KLF12: variants seen among roughly 807,000 people sequenced by gnomAD.
The protein encoded by KLF12 is KLF transcription factor 12, also known as Krueppel-like factor 12.
KLF12 carries 9 observed loss-of-function variants against 37.8 expected under a neutral mutation model. The ratio of observed to expected loss-of-function variants is 0.24; its 90% confidence interval spans 0.14 to 0.42. KLF12 has a LOEUF of 0.42. Ranked by LOEUF, KLF12 falls within the 10% of genes least tolerant of loss-of-function variation. KLF12 has a pLI of 1.00. For synonymous variants in KLF12, 208 were observed against 202.1 expected (o/e 1.03, Z -0.25); for missense variants, 411 against 516.0 (o/e 0.80, Z 1.97).
chr13:74,134,407 T>G (rs958980286), upstream of KLF12, among the ~76,000 whole-genome samples: 5 of 151,688 alleles, frequency 3.3e-5, no homozygotes, highest in African/African-American at 1.2e-4. Context: ...CTGAGTGTGA[T>G]GGTTGAAATC....
the KLF12 span, among the ~76,000 whole-genome samples, chr13:74,190,036 G>T: frequency 6.6e-6 from 1 of 151,640 alleles, no homozygotes; most frequent in Non-Finnish European, 1.5e-5. Flanking sequence ...CTATTGCAAA[G>T]ATTACTGCAA....
chr13:73,904,957 CA>C (rs59392777), intron 3 of KLF12, among the ~76,000 whole-genome samples: 7,174 of 138,694 alleles, frequency 0.052, 383 homozygotes, highest in African/African-American at 0.15. Context: ...TTATCCTAAG[CA>C]AAAAAAAAAA....
At chr13:74,159,131 T>C in the KLF12 span, among the ~76,000 whole-genome samples, 1 of 152,224 alleles carries the variant, frequency 6.6e-6, no homozygotes, top group South Asian at 2.1e-4. Flanking sequence ...TCATAGACTT[T>C]TGCATGTCCC....
the KLF12 span, among the ~76,000 whole-genome samples, chr13:74,300,122 A>G: frequency 6.6e-6 from 1 of 152,252 alleles, no homozygotes; most frequent in Non-Finnish European, 1.5e-5. Flanking sequence ...AAATTCAGAT[A>G]ATTGAATAGA....
intron 2 of KLF12, among the ~76,000 whole-genome samples, chr13:73,966,098 A>C (rs1254525608): frequency 6.6e-6 from 1 of 152,274 alleles, no homozygotes; most frequent in Non-Finnish European, 1.5e-5. Flanking sequence ...AAATCTTGGA[A>C]GCAAGCTAAC....
At chr13:74,262,497 G>A in the KLF12 span, among the ~76,000 whole-genome samples, 1 of 152,070 alleles carries the variant, frequency 6.6e-6, no homozygotes, top group African/African-American at 2.4e-5. Context: ...AAAATGGAGT[G>A]GTACTTGCAT....
At chr13:74,237,793 T>C in the KLF12 span, among the ~76,000 whole-genome samples, 1 of 152,282 alleles carries the variant, frequency 6.6e-6, no homozygotes, top group African/African-American at 2.4e-5. Context: ...TCATTTTGTA[T>C]GCTGAGACTT....
intron 1 of KLF12, among the ~76,000 whole-genome samples, chr13:74,108,146 AATTT>A (rs1418199376): frequency 2.6e-5 from 4 of 152,158 alleles, no homozygotes; most frequent in African/African-American, 9.7e-5. Flanking sequence ...GGCTCTTTCA[AATTT>A]ATTTTAACAT....
At chr13:73,951,064 T>C (rs967056335) in intron 2 of KLF12, among the ~76,000 whole-genome samples, 7 of 152,234 alleles carry the variant, frequency 4.6e-5, no homozygotes, top group South Asian at 2.1e-4. Context: ...GCAGGCCTCA[T>C]AGACGATCAA....
intron 2 of KLF12, among the ~76,000 whole-genome samples, chr13:73,965,384 T>A (rs1891145278): frequency 1.3e-5 from 2 of 152,220 alleles, no homozygotes; most frequent in African/African-American, 4.8e-5. Context: ...AAGCACTTTA[T>A]TTTGATGGCT....
chr13:73,743,635 T>A (rs1044297996), intron 6 of KLF12, among the ~76,000 whole-genome samples: 5 of 152,180 alleles, frequency 3.3e-5, no homozygotes, highest in Non-Finnish European at 7.3e-5. Context: ...AGAAAACCTC[T>A]GAAAAGATAT....
chr13:74,247,256 A>G, the KLF12 span, among the ~76,000 whole-genome samples: 1 of 152,252 alleles, frequency 6.6e-6, no homozygotes, highest in Non-Finnish European at 1.5e-5. Flanking sequence ...AACCAAAAAG[A>G]CAATACAAGA....
chr13:73,702,373 C>CATT (rs1874622820), intron 7 of KLF12, among the ~76,000 whole-genome samples: 1 of 152,056 alleles, frequency 6.6e-6, no homozygotes, highest in Admixed American at 6.6e-5. Flanking sequence ...TTCCCAAAAC[C>CATT]CACCAAACAA....
intron 1 of KLF12, among the ~76,000 whole-genome samples, chr13:74,037,364 G>A (rs1286742332): frequency 1.3e-5 from 2 of 151,956 alleles, no homozygotes; most frequent in East Asian, 1.9e-4. Flanking sequence ...GCAGTATGTC[G>A]GAAGGGACGG....
At chr13:73,955,371 G>C (rs575706513) in intron 2 of KLF12, among the ~76,000 whole-genome samples, 10 of 152,166 alleles carry the variant, frequency 6.6e-5, no homozygotes, top group Non-Finnish European at 1.3e-4. Context: ...TTTTATAAAT[G>C]ATGACAGGAA....
intron 1 of KLF12, among the ~76,000 whole-genome samples, chr13:74,127,035 G>A (rs1043014123): frequency 6.6e-6 from 1 of 152,148 alleles, no homozygotes; most frequent in African/African-American, 2.4e-5. Flanking sequence ...TTTAGAGACA[G>A]GGTTTTCAAG....
intron 5 of KLF12, among the ~76,000 whole-genome samples, chr13:73,773,775 C>T (rs575747956): frequency 6.6e-6 from 1 of 152,286 alleles, no homozygotes; most frequent in East Asian, 1.9e-4. Context: ...CTCACCTCTC[C>T]AAGCTTCATG....
intron 6 of KLF12, among the ~76,000 whole-genome samples, chr13:73,738,123 A>ATATC: frequency 1.6e-5 from 1 of 63,550 alleles, no homozygotes; most frequent in East Asian, 2.5e-4. Context: ...ATATATATAT[A>ATATC]TACACACACA....
At chr13:73,868,327 T>A (rs371269735) in intron 3 of KLF12, among the ~76,000 whole-genome samples, 1 of 35,974 alleles carries the variant, frequency 2.8e-5, no homozygotes, top group African/African-American at 1.4e-4. Flanking sequence ...GCGGGGGCGG[T>A]GGGGGGGGGG....
Sources: allele counts gnomAD v4.1 joint callset (sites outside exome capture counted in the v4.1 genomes callset), GRCh38; gene constraint gnomAD v4.1.1; transcripts MANE v1.5; gene names NCBI Gene and HGNC (gene_info 2026-07-23, HGNC 2026-07-21).